The following ZMYM2 variants were observed in gnomAD, a reference collection of about 807,000 sequenced individuals.
ZMYM2 encodes zinc finger MYM-type containing 2, also known as zinc finger MYM-type protein 2.
ZMYM2 carries 56 observed loss-of-function variants against 162.8 expected under a neutral mutation model. The ratio of observed to expected loss-of-function variants is 0.34; its 90% CI spans 0.28 to 0.43. ZMYM2 has a LOEUF of 0.43. Among genes scored for constraint, ZMYM2 ranks in the 20% least tolerant of loss-of-function variants. ZMYM2 has a pLI of 1.00. For synonymous variants in ZMYM2, 510 were observed against 541.6 expected (o/e 0.94, Z 0.81); for missense variants, 1,275 against 1,621.8 (o/e 0.79, Z 3.67).
At chr13:19,956,080 G>T (rs868324988), upstream of ZMYM2, among the ~76,000 whole-genome samples, 1 of 152,156 alleles carries the variant, frequency 6.6e-6, no homozygotes, top group African/African-American at 2.4e-5. Context: ...AATCATTTCA[G>T]TCAATTTTAG....
At chr13:19,936,856 A>C in the ZMYM2 span, among the ~76,000 whole-genome samples, 5 of 152,258 alleles carry the variant, frequency 3.3e-5, no homozygotes, top group African/African-American at 1.2e-4. Flanking sequence ...ATTTACTAAA[A>C]TATACCAAAT....
At chr13:19,959,211 C>G (rs1353151251) in intron 1 of ZMYM2, among the ~76,000 whole-genome samples, 1 of 145,890 alleles carries the variant, frequency 6.9e-6, no homozygotes, top group African/African-American at 2.5e-5. Flanking sequence ...GCGGGGGTGC[C>G]GGCCGCCCGG....
the ZMYM2 span, among the ~76,000 whole-genome samples, chr13:19,879,563 G>A: frequency 6.6e-6 from 1 of 152,192 alleles, no homozygotes; most frequent in African/African-American, 2.4e-5. Context: ...TCTATAGTAA[G>A]TTTGAAAGCA....
intron 7 of ZMYM2, among the ~76,000 whole-genome samples, chr13:20,020,584 A>G (rs1951999573): frequency 6.6e-6 from 1 of 151,884 alleles, no homozygotes; most frequent in South Asian, 2.1e-4. Context: ...TGAGACCCCA[A>G]TTCCAGATAA....
chr13:20,019,353 A>G (rs1201461704), intron 6 of ZMYM2, among the ~76,000 whole-genome samples, 194 bp from the exon 7 acceptor site: 1 of 152,172 alleles, frequency 6.6e-6, no homozygotes, highest in Non-Finnish European at 1.5e-5. Flanking sequence ...TTTCTAAGAT[A>G]AAATTATTTG....
At chr13:19,886,162 CTT>C in the ZMYM2 span, among the ~76,000 whole-genome samples, 3 of 98,446 alleles carry the variant, frequency 3.0e-5, no homozygotes, top group Admixed American at 1.4e-4. Flanking sequence ...TTCTTTCTTT[CTT>C]TTTTTTTTTT....
intron 14 of ZMYM2, among the ~76,000 whole-genome samples, chr13:20,057,198 G>A (rs772988405): frequency 2.6e-5 from 4 of 152,176 alleles, no homozygotes; most frequent in Non-Finnish European, 4.4e-5. Context: ...TGCCTCCCAG[G>A]GTCAAGAGAT....
the ZMYM2 span, among the ~76,000 whole-genome samples, chr13:19,896,074 T>C: frequency 6.7e-6 from 1 of 149,570 alleles, no homozygotes; most frequent in African/African-American, 2.5e-5. Context: ...TGTTCCCACA[T>C]TTTAGCTATT....
chr13:19,982,925 G>GT lies in ZMYM2; in HGVS notation c.-10-10130dup, dbSNP rs142006059. 9.7e-4 allele frequency among the ~76,000 whole-genome samples: 147 copies of GT among 150,872 alleles called. No individual in the cohort carries two copies. The East Asian group carries it at 0.012, about 12-fold the overall frequency. ...ATCTTCCCTTCCTTGTAGGTTTGTC[G>GT]TTTTTTTTAAAAAAACCCTTACTGT... On this transcript the variant is annotated intron_variant, in intron 2 of 24. Transcript: ENST00000610343.
chr13:19,868,100 C>G, the ZMYM2 span, among the ~76,000 whole-genome samples: 2 of 152,334 alleles, frequency 1.3e-5, no homozygotes, highest in African/African-American at 4.8e-5. Context: ...AAACCCCCAA[C>G]CTTCTCTTTG....
chr13:19,973,277 A>T (rs1956484005), intron 2 of ZMYM2, among the ~76,000 whole-genome samples: 1 of 152,074 alleles, frequency 6.6e-6, no homozygotes, highest in Admixed American at 6.5e-5. Flanking sequence ...TGCTATATAA[A>T]TTTTTTCATG....
rs1958393877 is a variant in ZMYM2 at position 20,088,503 on chromosome 13, T to C, written c.*2489T>C. On this transcript the variant is annotated 3_prime_UTR_variant, in exon 25 of 25. Transcript: ENST00000610343. ...TTAAAATGATCCAGTGAAAAATATT[T>C]ATCCACATTGAAGAAAGTGGATTTC... 5.0e-6 allele frequency: 1 copy of C among 199,832 alleles called. No homozygotes were observed. Among genetic ancestry groups the C allele is most frequent in the Admixed American group, 6.0e-5 (1 of 16,634 alleles). 12.4% of individuals were successfully genotyped at this position (199,832 alleles called of 1,614,324 possible). A position where few individuals can be genotyped will look rare whatever the true frequency, so the allele number is the denominator to read the frequency against.
chr13:20,003,260 T>A, intron 4 of ZMYM2, 125 bp downstream of exon 4: 1 of 1,137,852 alleles, frequency 8.8e-7, no homozygotes, highest in Non-Finnish European at 1.2e-6. Context: ...GGCATATGGA[T>A]AAAAGGCTTC....
chr13:20,019,469 A>G (rs1951891384), intron 6 of ZMYM2, 78 bp from the exon 7 acceptor site: 1 of 1,273,228 alleles, frequency 7.9e-7, no homozygotes, highest in South Asian at 1.6e-5. Context: ...AGCAACTTTT[A>G]CATAATGCTT....
chr13:19,931,323 C>G, the ZMYM2 span, among the ~76,000 whole-genome samples: 1 of 152,030 alleles, frequency 6.6e-6, no homozygotes, highest in African/African-American at 2.4e-5. Context: ...CTCATCCCTT[C>G]TTTCTAGCTA....
At chr13:19,870,190 C>T in the ZMYM2 span, among the ~76,000 whole-genome samples, 2 of 152,206 alleles carry the variant, frequency 1.3e-5, no homozygotes, top group East Asian at 1.9e-4. Context: ...GGGTCTTTCT[C>T]TGTCTCCCAG....
chr13:19,932,401 A>G, the ZMYM2 span, among the ~76,000 whole-genome samples: 1 of 152,050 alleles, frequency 6.6e-6, no homozygotes, highest in Non-Finnish European at 1.5e-5. Context: ...TAATCCCAGC[A>G]CTTTGGGAGG....
intron 3 of ZMYM2, among the ~76,000 whole-genome samples, chr13:19,994,419 A>C (rs1452412494): frequency 1.3e-5 from 2 of 152,224 alleles, no homozygotes; most frequent in Non-Finnish European, 2.9e-5. Context: ...GTGTTTTAGT[A>C]TATAAATTAG....
the ZMYM2 span, chr13:19,865,197 T>TA: frequency 6.7e-6 from 1 of 148,728 alleles, no homozygotes; most frequent in South Asian, 2.1e-4. Context: ...ACACATAAAA[T>TA]ACGCTAACAG....
Sources: allele counts gnomAD v4.1 joint callset (sites outside exome capture counted in the v4.1 genomes callset), GRCh38; gene constraint gnomAD v4.1.1; transcripts MANE v1.5; gene names NCBI Gene and HGNC (gene_info 2026-07-23, HGNC 2026-07-21).